WWOX: variants seen among roughly 807,000 people sequenced by gnomAD.
WWOX encodes WW domain containing oxidoreductase, also known as WW domain-containing oxidoreductase.
In WWOX, 69 loss-of-function variants were observed where a neutral mutation model predicts 46.2. The ratio of observed to expected loss-of-function variants is 1.49; its 90% CI spans 1.23 to 1.82. The LOEUF (loss-of-function observed/expected upper bound fraction) is 1.82, where lower values mean the gene tolerates loss of function less well. WWOX is among the 40% of genes most tolerant of loss of function. WWOX has a pLI of 0.00. For synonymous variants in WWOX, 359 were observed against 202.6 expected (o/e 1.77, Z -6.56); for missense variants, 919 against 542.6 (o/e 1.69, Z -6.89).
chr16:79,038,770 G>A (rs898258827), intron 8 of WWOX, among the ~76,000 whole-genome samples: 1 of 152,090 alleles, frequency 6.6e-6, no homozygotes, highest in African/African-American at 2.4e-5. Flanking sequence ...GACTGCTCTT[G>A]AATTCCTAAC....
At chr16:78,405,217 G>T (rs1239831766) in intron 6 of WWOX, among the ~76,000 whole-genome samples, 2 of 152,132 alleles carry the variant, frequency 1.3e-5, no homozygotes, top group East Asian at 3.9e-4. Context: ...GTTGCAAATG[G>T]TGCATGAAAT....
chr16:78,542,959 A>G (rs2043933970), intron 8 of WWOX, among the ~76,000 whole-genome samples: 1 of 152,212 alleles, frequency 6.6e-6, no homozygotes, highest in Non-Finnish European at 1.5e-5. Context: ...AGGAGAGTAG[A>G]AGCAGAATAG....
chr16:79,095,004 C>A (rs1457322558), intron 8 of WWOX, among the ~76,000 whole-genome samples: 1 of 152,120 alleles, frequency 6.6e-6, no homozygotes, highest in South Asian at 2.1e-4. Flanking sequence ...ATGGTTCTGG[C>A]TTATTTCTAA....
intron 8 of WWOX, among the ~76,000 whole-genome samples, chr16:78,809,012 T>C (rs1247750159): frequency 6.6e-6 from 1 of 152,152 alleles, no homozygotes; most frequent in Non-Finnish European, 1.5e-5. Context: ...TTCGGAATTT[T>C]ATGGCCTCAC....
At position 79,157,146 on chromosome 16, in the gene WWOX, C is replaced by G. The variant is rs145882033; in HGVS notation, c.1057-54462C>G. On this transcript the variant is annotated intron_variant, in intron 8 of 8. Transcript: ENST00000566780. ...ATTCCTGATGATACACTAGGCAAAG[C>G]AGGGAGAAGAGAAAAAGTGAGCAAG... is the stretch of plus-strand genomic sequence containing the variant. Among the ~76,000 whole-genome samples the G allele has an allele frequency of 2.5e-3, 376 of 152,244 alleles. 9 individuals carry two copies. The highest frequency in any genetic ancestry group is 0.023 in the Admixed American group (353 of 15,294).
intron 8 of WWOX, among the ~76,000 whole-genome samples, chr16:78,653,198 G>A (rs534717645): frequency 6.6e-6 from 1 of 151,834 alleles, no homozygotes; most frequent in South Asian, 2.1e-4. Flanking sequence ...AACATTGCTT[G>A]AAAAAACATA....
At chr16:79,050,260 G>C (rs777654794) in intron 8 of WWOX, among the ~76,000 whole-genome samples, 3 of 152,158 alleles carry the variant, frequency 2.0e-5, no homozygotes, top group Non-Finnish European at 4.4e-5. Flanking sequence ...GGGTCAGCTT[G>C]TTTTGCTCCT....
intron 8 of WWOX, among the ~76,000 whole-genome samples, chr16:78,992,147 G>C (rs896098335): frequency 3.9e-5 from 6 of 152,150 alleles, no homozygotes; most frequent in African/African-American, 1.4e-4. Flanking sequence ...TGTCCTTGAG[G>C]CATTCACAGG....
intron 5 of WWOX, among the ~76,000 whole-genome samples, chr16:78,202,151 T>G (rs7190387): frequency 0.26 from 39,090 of 152,170 alleles, 5,172 homozygotes; most frequent in East Asian, 0.38. Flanking sequence ...ATGGCTCCTG[T>G]ACTCCCCACA....
chr16:78,196,706 C>G (rs1160375673), intron 5 of WWOX, among the ~76,000 whole-genome samples: 1 of 152,218 alleles, frequency 6.6e-6, no homozygotes, highest in East Asian at 1.9e-4. Flanking sequence ...AGCATTAGCT[C>G]TGACTGTACA....
At chr16:78,163,003 T>C (rs1297522308) in intron 4 of WWOX, among the ~76,000 whole-genome samples, 1 of 152,216 alleles carries the variant, frequency 6.6e-6, no homozygotes, top group Non-Finnish European at 1.5e-5. Context: ...CATCTTGCCT[T>C]TTTGTTCCTT....
chr16:78,867,646 G>T lies in WWOX; in HGVS notation c.1057-343962G>T, dbSNP rs143156712. Among the ~76,000 whole-genome samples the T allele has an allele frequency of 3.5e-3, 526 of 152,012 alleles. 3 individuals are homozygous for T. Among genetic ancestry groups the T allele is most frequent in the African/African-American group, 0.011 (467 of 41,462 alleles). ...ACTACAACATCCCAGGTTCAAGAGAGTCTCCCACCTCAGCCTCACGAGTAG... is the reference window on the plus strand; with the variant it reads ...ACTACAACATCCCAGGTTCAAGAGATTCTCCCACCTCAGCCTCACGAGTAG... On this transcript the variant is annotated intron_variant, in intron 8 of 8. Coordinates refer to ENST00000566780, the MANE Select transcript of WWOX (RefSeq NM_016373.4).
intron 8 of WWOX, among the ~76,000 whole-genome samples, chr16:78,562,033 T>C (rs1401286319): frequency 6.6e-6 from 1 of 152,104 alleles, no homozygotes; most frequent in Non-Finnish European, 1.5e-5. Context: ...GCAAATGGAG[T>C]CTTTGTTTTT....
intron 4 of WWOX, among the ~76,000 whole-genome samples, chr16:78,116,534 C>T (rs1415843461): frequency 6.6e-6 from 1 of 152,108 alleles, no homozygotes; most frequent in African/African-American, 2.4e-5. Context: ...CATACCTCAT[C>T]CTGGGCTCCA....
chr16:78,549,197 T>C (rs1188083714), intron 8 of WWOX, among the ~76,000 whole-genome samples: 1 of 152,312 alleles, frequency 6.6e-6, no homozygotes, highest in East Asian at 1.9e-4. Context: ...AGAACCTCTG[T>C]AGAATCAAAG....
rs146944496 is a variant in WWOX, at chr16:78,339,307, T to G, written c.517-47553T>G. On this transcript the variant is annotated intron_variant, in intron 5 of 8. Transcript: ENST00000566780. ...TTAGAAATTTGCTGAGTTTGTGATG[T>G]ACCTATCATTCAACCTCAAACTTTC... Among the ~76,000 whole-genome samples, 52 of 115,784 alleles carry G rather than the reference T, an allele frequency of 4.5e-4. 9 individuals are homozygous for G. The highest frequency in any genetic ancestry group is 1.5e-3 in the African/African-American group (51 of 34,338). 76.0% of individuals were successfully genotyped at this position (115,784 alleles called of 152,430 possible).
In WWOX at chr16:79,212,203, A is replaced by C. The variant is rs1026465474; in HGVS notation, c.*407A>C. 4.8e-6 allele frequency: 7 copies of C among 1,450,328 alleles called. No homozygotes were observed. In the South Asian group the frequency reaches 1.0e-4, roughly 21 times the overall value. 89.8% of individuals were successfully genotyped at this position (1,450,328 alleles called of 1,614,324 possible). A position where few individuals can be genotyped will look rare whatever the true frequency, so the allele number is the denominator to read the frequency against. On this transcript the variant is annotated 3_prime_UTR_variant, in exon 9 of 9. Transcript: ENST00000566780. The stretch of plus-strand genomic sequence containing the variant: ...GCCGGGGGCTGGCCTTCTCCTACTT[A>C]GGGAAGAAAAAGCAAGTGTTCACTG...
At chr16:78,410,873 C>T (rs2082664988) in intron 6 of WWOX, among the ~76,000 whole-genome samples, 1 of 150,884 alleles carries the variant, frequency 6.6e-6, no homozygotes, top group Non-Finnish European at 1.5e-5. Context: ...TATGAAAGGA[C>T]CTAACATCAT....
intron 8 of WWOX, among the ~76,000 whole-genome samples, chr16:78,893,085 C>T (rs1036331572): frequency 3.9e-5 from 6 of 152,020 alleles, no homozygotes; most frequent in Non-Finnish European, 7.4e-5. Context: ...CAGGAGTTTC[C>T]ATCTCCACCC....
Sources: gnomAD v4.1 joint callset for allele counts (sites outside exome capture counted in the v4.1 genomes callset) on GRCh38, gnomAD v4.1.1 for gene constraint, MANE v1.5 for transcripts, NCBI Gene and HGNC (gene_info 2026-07-23, HGNC 2026-07-21) for gene names.